The following PIBF1 variants were observed in gnomAD, a reference collection of about 807,000 sequenced individuals.
PIBF1 encodes the protein progesterone-induced-blocking factor 1.
In PIBF1, 90 loss-of-function variants were observed where a neutral mutation model predicts 112.5. The observed-to-expected ratio is 0.80, with a 90% CI of 0.67 to 0.95. The LOEUF (loss-of-function observed/expected upper bound fraction) is 0.95, where lower values mean the gene tolerates loss of function less well. PIBF1 is among the 40% of genes least tolerant of loss of function. PIBF1 has a pLI of 0.00. For synonymous variants in PIBF1, 301 were observed against 288.6 expected, an observed-to-expected ratio of 1.04 and a Z score of -0.44; for missense variants, 915 against 852.3, an observed-to-expected ratio of 1.07 and a Z score of -0.92.
intron 5 of PIBF1, among the ~76,000 whole-genome samples, chr13:72,811,224 A>C (rs2035994473): frequency 6.6e-6 from 1 of 152,192 alleles, no homozygotes; most frequent in African/African-American, 2.4e-5. Context: ...CACTGACCAC[A>C]AATCATTTTT....
intron 16 of PIBF1, among the ~76,000 whole-genome samples, chr13:72,989,793 C>T (rs1410343351): frequency 1.6e-4 from 25 of 152,086 alleles, no homozygotes; most frequent in Admixed American, 1.6e-3. Flanking sequence ...ATCTCAGGAA[C>T]GCTATTTGAG....
chr13:72,827,617 TA>T (rs1344931555), intron 7 of PIBF1, 115 bp from the exon 8 acceptor site: 2 of 616,394 alleles, frequency 3.2e-6, no homozygotes, highest in East Asian at 3.1e-5. Context: ...TAGCCCTTTT[TA>T]AAAGGAAAAT....
At chr13:72,971,760 T>C (rs1270052978) in intron 15 of PIBF1, among the ~76,000 whole-genome samples, 1 of 152,194 alleles carries the variant, frequency 6.6e-6, no homozygotes, top group African/African-American at 2.4e-5. Flanking sequence ...TGTTATGCTT[T>C]ACAGCACACA....
chr13:72,943,018 G>A lies in PIBF1; in HGVS notation c.1833+11751G>A, dbSNP rs1420139102. Among the ~76,000 whole-genome samples the A allele has an allele frequency of 5.9e-5, 9 of 152,062 alleles. 1 individual carries two copies. The highest frequency in any genetic ancestry group is 1.3e-4 in the Admixed American group (2 of 15,256). On this transcript the variant is annotated intron_variant, in intron 14 of 17. Coordinates refer to ENST00000326291, the MANE Select transcript of PIBF1 (RefSeq NM_006346.4). The stretch of plus-strand genomic sequence containing the variant: ...TCTGTCTCAAAAAAAGAAAAATATC[G>A]TTTAGTAAAGAACAGTGGCATTTAT...
At chr13:72,835,391 ATGGTATTTTATTTATCTT>A in intron 9 of PIBF1, 23 bp downstream of exon 9, 2 of 1,504,650 alleles carry the variant, frequency 1.3e-6, no homozygotes, top group South Asian at 2.6e-5. Context: ...AAATGCTTGT[ATGGTATTTTATTTATCTT>A]TGGAGGTTTT....
At position 72,973,640 on chromosome 13, in the gene PIBF1, G is replaced by A. The variant is rs1373236913; in HGVS notation, c.2014G>A (p.Ala672Thr). 5 of 1,578,718 alleles carry A rather than the reference G, an allele frequency of 3.2e-6. No homozygotes were observed. Among genetic ancestry groups the A allele is most frequent in the Non-Finnish European group, 4.3e-6 (5 of 1,161,200 alleles). Residue 672 changes from alanine (A) to threonine (T), a missense_variant, in exon 16 of 18, where the codon GCA (alanine) becomes ACA (threonine). Ala to Thr is a moderately conservative substitution (Grantham distance 58). Coordinates refer to ENST00000326291, the MANE Select transcript of PIBF1 (RefSeq NM_006346.4). ...TTTACTACAGACGAAGAATCAAATGGCATTAGATTTAGAACAACTTCTAAA... is the reference window on the plus strand; with the variant it reads ...TTTACTACAGACGAAGAATCAAATGACATTAGATTTAGAACAACTTCTAAA... ...SALLQTKNQMALDLEQLLNHR... is the reference protein window; with the variant it reads ...SALLQTKNQMTLDLEQLLNHR...
At chr13:72,948,111 G>A (rs1223227099) in intron 14 of PIBF1, among the ~76,000 whole-genome samples, 1 of 152,080 alleles carries the variant, frequency 6.6e-6, no homozygotes, top group East Asian at 1.9e-4. Flanking sequence ...ATAGCATTAG[G>A]AGAAGTACCT....
chr13:72,855,198 C>A (rs1249509854), intron 10 of PIBF1, among the ~76,000 whole-genome samples: 1 of 152,036 alleles, frequency 6.6e-6, no homozygotes, highest in East Asian at 1.9e-4. Context: ...ATAAGCAATA[C>A]ATAAAACTAA....
At chr13:72,826,963 C>T in intron 6 of PIBF1, 47 bp from the exon 7 acceptor site, 3 of 1,148,302 alleles carry the variant, frequency 2.6e-6, no homozygotes, top group Non-Finnish European at 3.8e-6. Flanking sequence ...GTACGCTGTA[C>T]AAGGGGATGT....
At chr13:72,791,998 A>C (rs1457406457) in intron 2 of PIBF1, among the ~76,000 whole-genome samples, 1 of 151,868 alleles carries the variant, frequency 6.6e-6, no homozygotes, top group Non-Finnish European at 1.5e-5. Context: ...GGAGGTTGGC[A>C]AAACTGGAGG....
At chr13:72,853,967 G>A (rs2038291827) in intron 9 of PIBF1, 90 bp from the exon 10 acceptor site, 15 of 989,426 alleles carry the variant, frequency 1.5e-5, no homozygotes, top group Non-Finnish European at 1.9e-5. Context: ...TCTCAGATGG[G>A]TCCTTAAGAT....
At chr13:72,862,316 T>C (rs1156909839) in intron 10 of PIBF1, among the ~76,000 whole-genome samples, 2 of 152,028 alleles carry the variant, frequency 1.3e-5, no homozygotes, top group African/African-American at 4.8e-5. Flanking sequence ...AAGGAAAAAA[T>C]AAATCTAAGC....
At chr13:72,871,112 T>G (rs1223623859) in intron 10 of PIBF1, among the ~76,000 whole-genome samples, 1 of 152,134 alleles carries the variant, frequency 6.6e-6, no homozygotes, top group African/African-American at 2.4e-5. Flanking sequence ...GCATAGATAA[T>G]AAAGATGGGA....
intron 12 of PIBF1, among the ~76,000 whole-genome samples, chr13:72,915,938 C>T (rs2041077184): frequency 6.6e-6 from 1 of 152,012 alleles, no homozygotes; most frequent in South Asian, 2.1e-4. Context: ...TGAAATATTC[C>T]TGAAAGTGAA....
chr13:72,903,104 G>A (rs2040564269), intron 11 of PIBF1, among the ~76,000 whole-genome samples: 2 of 151,864 alleles, frequency 1.3e-5, no homozygotes, highest in Non-Finnish European at 2.9e-5. Context: ...CACCATGTTG[G>A]CCAGGCTCAT....
chr13:72,932,067 A>G (rs2041727360), intron 14 of PIBF1, among the ~76,000 whole-genome samples: 1 of 150,046 alleles, frequency 6.7e-6, no homozygotes, highest in Non-Finnish European at 1.5e-5. Context: ...TCAGCCTCCC[A>G]AGTAGCTGGA....
intron 5 of PIBF1, among the ~76,000 whole-genome samples, chr13:72,814,881 A>G (rs1007117013): frequency 1.8e-4 from 27 of 152,232 alleles, no homozygotes; most frequent in African/African-American, 6.0e-4. Flanking sequence ...TTGAAAACAA[A>G]AAGGAAAGTG....
chr13:72,831,999 A>G (rs2037139200), intron 8 of PIBF1, among the ~76,000 whole-genome samples: 1 of 148,000 alleles, frequency 6.8e-6, no homozygotes, highest in South Asian at 2.1e-4. Context: ...CTATTATGTA[A>G]TGCCCTTTAT....
chr13:72,851,226 C>T (rs2038136288), intron 9 of PIBF1, among the ~76,000 whole-genome samples: 1 of 152,184 alleles, frequency 6.6e-6, no homozygotes, highest in Admixed American at 6.5e-5. Flanking sequence ...GGCGCAGCTG[C>T]AGTGGCCCAG....
Sources: allele counts gnomAD v4.1 joint callset (sites outside exome capture counted in the v4.1 genomes callset), GRCh38; gene constraint gnomAD v4.1.1; transcripts MANE v1.5; gene names NCBI Gene and HGNC (gene_info 2026-07-23, HGNC 2026-07-21).